The following USP26 variants were observed in gnomAD, a reference collection of about 807,000 sequenced individuals.
USP26 encodes ubiquitin specific peptidase 26.
For missense variants in USP26, 649 were observed against 642.3 expected, an observed-to-expected ratio of 1.01 and a Z score of -0.11; for synonymous variants, 236 against 240.6, an observed-to-expected ratio of 0.98 and a Z score of 0.18.
In USP26 at chrX:133,027,838, T is replaced by C. The variant is rs1046837076; in HGVS notation, c.383A>G (p.Asn128Ser). The C allele has an allele frequency of 5.8e-6, 7 of 1,205,430 alleles. No homozygotes were observed. In the South Asian group the frequency reaches 1.2e-4, roughly 21 times the overall value. Residue 128 changes from asparagine (N) to serine (S), a missense_variant, in exon 6 of 6, where the codon AAC becomes AGC. Transcript: ENST00000511190. The stretch of plus-strand genomic sequence containing the variant: ...ATCAACTTTGTGGAATGAAGTTTTG[T>C]TGATTTCCTTCTGTGTTGTGCTAGA... ...VFSSTTQKEI[N>S]KTSFHKVDEK...
chrX:133,065,036 A>T (rs751972945), intron 5 of USP26, among the ~76,000 whole-genome samples: 12 of 111,935 alleles, frequency 1.1e-4, no homozygotes, highest in African/African-American at 3.6e-4. Context: ...AAAAAACGAT[A>T]AAGGGGGTAT....
chrX:133,096,756 G>A (rs1196983596), intron 1 of USP26, among the ~76,000 whole-genome samples: 1 of 111,127 alleles, frequency 9.0e-6, no homozygotes, highest in East Asian at 2.9e-4. Flanking sequence ...CTAGCCAGGC[G>A]TCGTGGCAGG....
rs1241947731 is a variant in USP26, at chrX:133,024,252, C to T, written c.*1227G>A. Reference sequence around the variant, plus strand: ...TTGCTTACTCATTGAAGAAACAAGACCACCACACTATAAGGTACAGAGATG... The same window carrying T: ...TTGCTTACTCATTGAAGAAACAAGATCACCACACTATAAGGTACAGAGATG... On this transcript the variant is annotated 3_prime_UTR_variant, in exon 6 of 6. Coordinates refer to ENST00000511190, the MANE Select transcript of USP26 (RefSeq NM_031907.3). 4.6e-5 allele frequency among the ~76,000 whole-genome samples: 5 copies of T among 108,704 alleles called. No homozygotes were observed. Among genetic ancestry groups the T allele is most frequent in the Non-Finnish European group, 9.5e-5 (5 of 52,443 alleles). 94.4% of individuals were successfully genotyped at this position (108,704 alleles called of 115,157 possible).
chrX:133,050,388 C>G (rs749247670), intron 5 of USP26, among the ~76,000 whole-genome samples: 1 of 111,772 alleles, frequency 8.9e-6, no homozygotes, highest in Admixed American at 9.5e-5. Flanking sequence ...TTTTAACCAC[C>G]ATAAAAATGA....
chrX:133,057,866 ATTTT>A (rs59814007), intron 5 of USP26, among the ~76,000 whole-genome samples: 4 of 9,328 alleles, frequency 4.3e-4, no homozygotes, highest in African/African-American at 2.6e-3. Context: ...ATATATATAT[ATTTT>A]TTTTTTTTTT....
intron 5 of USP26, among the ~76,000 whole-genome samples, chrX:133,053,925 C>T (rs767077573): frequency 1.6e-4 from 18 of 111,651 alleles, no homozygotes; most frequent in Non-Finnish European, 3.2e-4. Context: ...TGGGCTAAGC[C>T]TTTTTACTCA....
chrX:133,035,626 T>A (rs192535442), intron 5 of USP26, among the ~76,000 whole-genome samples: 426 of 112,181 alleles, frequency 3.8e-3, no homozygotes, highest in African/African-American at 0.013. Context: ...ATTATTATTA[T>A]TTTTTTCCTG....
At chrX:133,074,843 C>T (rs1311476976) in intron 5 of USP26, among the ~76,000 whole-genome samples, 1 of 111,919 alleles carries the variant, frequency 8.9e-6, no homozygotes, top group Admixed American at 9.5e-5. Context: ...ATTTTCTGGT[C>T]ATAATTTCAG....
chrX:133,026,407 T>A lies in USP26; in HGVS notation c.1814A>T (p.Asp605Val). 1 of 1,208,205 alleles carries A rather than the reference T, an allele frequency of 8.3e-7. No individual in the cohort carries two copies. The highest frequency in any genetic ancestry group is 1.1e-6 in the Non-Finnish European group (1 of 894,736). Residue 605 changes from aspartate to valine, a missense_variant, in exon 6 of 6, where the codon GAT becomes GTT. Physicochemically the swap from Asp to Val is radical, Grantham distance 152. Transcript: ENST00000511190. Reference sequence around the variant, plus strand: ...GCCTTTTTTTTGTTCAGACTCCTTATCTGATCCAATGTGTGGAGCCAGGAT... The same window carrying A: ...GCCTTTTTTTTGTTCAGACTCCTTAACTGATCCAATGTGTGGAGCCAGGAT... Reference protein sequence around the residue: ...KDILAPHIGSDKESEQKKGQT... With the variant: ...KDILAPHIGSVKESEQKKGQT...
intron 5 of USP26, among the ~76,000 whole-genome samples, chrX:133,068,092 T>G (rs764611007): frequency 8.9e-6 from 1 of 111,978 alleles, no homozygotes; most frequent in Non-Finnish European, 1.9e-5. Context: ...TGAAATGATG[T>G]CCCTTGCAGC....
intron 5 of USP26, among the ~76,000 whole-genome samples, chrX:133,041,401 T>G (rs1405922684): frequency 6.3e-5 from 7 of 111,837 alleles, no homozygotes; most frequent in Non-Finnish European, 1.3e-4. Flanking sequence ...TTTATTGATG[T>G]TGATGTTGTT....
chrX:133,042,045 G>A (rs1379275454), intron 5 of USP26, among the ~76,000 whole-genome samples: 1 of 111,629 alleles, frequency 9.0e-6, no homozygotes, highest in African/African-American at 3.3e-5. Flanking sequence ...CAGTAATTGT[G>A]GATGCTCCTC....
intron 5 of USP26, among the ~76,000 whole-genome samples, chrX:133,040,891 C>G (rs2067416515): frequency 9.1e-6 from 1 of 110,331 alleles, no homozygotes; most frequent in African/African-American, 3.3e-5. Flanking sequence ...TTGTTTGTTC[C>G]TTCTCATTCT....
At chrX:133,040,674 G>T (rs2067415705) in intron 5 of USP26, among the ~76,000 whole-genome samples, 1 of 111,097 alleles carries the variant, frequency 9.0e-6, no homozygotes, top group African/African-American at 3.3e-5. Flanking sequence ...GTGTCTTGGG[G>T]TTGCTCTTCT....
chrX:133,071,730 G>T (rs2067531347), intron 5 of USP26, among the ~76,000 whole-genome samples: 1 of 111,846 alleles, frequency 8.9e-6, no homozygotes, highest in Non-Finnish European at 1.9e-5. Flanking sequence ...ATTACCTAGT[G>T]AGAGCATTTT....
intron 5 of USP26, among the ~76,000 whole-genome samples, chrX:133,032,117 C>G (rs141046978): frequency 0.015 from 1,668 of 111,340 alleles, 39 homozygotes; most frequent in African/African-American, 0.052. Flanking sequence ...CCACTGCACT[C>G]TAGCCTGGGC....
chrX:133,025,317 G>A lies in USP26; in HGVS notation c.*162C>T, dbSNP rs2067340950. On this transcript the variant is annotated 3_prime_UTR_variant, in exon 6 of 6. Transcript: ENST00000511190. ...TATGGGATTGAGGTGTCTGTGTCAG[G>A]ATTAGAATGCAGATCTCCCCATTAA... The A allele has an allele frequency of 1.3e-6, 1 of 789,995 alleles. No individual in the cohort carries two copies. Among genetic ancestry groups the A allele is most frequent in the Non-Finnish European group, 1.8e-6 (1 of 557,523 alleles). The allele number at this position is 789,995 out of a possible 1,213,427, so 65.1% of individuals were successfully genotyped here.
intron 5 of USP26, among the ~76,000 whole-genome samples, chrX:133,054,391 C>T (rs1333163575): frequency 1.8e-5 from 2 of 111,526 alleles, no homozygotes; most frequent in Admixed American, 9.6e-5. Flanking sequence ...ATCTTCCATA[C>T]CTAAACTGAA....
chrX:133,072,356 A>G (rs1276058614), intron 5 of USP26, among the ~76,000 whole-genome samples: 2 of 112,224 alleles, frequency 1.8e-5, no homozygotes. Context: ...GATGAGGAAA[A>G]GTATTACCCA....
Sources: gnomAD v4.1 joint callset for allele counts (sites outside exome capture counted in the v4.1 genomes callset) on GRCh38, gnomAD v4.1.1 for gene constraint, MANE v1.5 for transcripts, NCBI Gene and HGNC (gene_info 2026-07-23, HGNC 2026-07-21) for gene names.